The following WDR27 variants were observed in gnomAD, a reference collection of about 807,000 sequenced individuals.
WDR27 encodes WD repeat-containing protein 27.
Under a neutral mutation model 114.4 loss-of-function variants are expected in WDR27, and 100 were observed. That is an observed-to-expected ratio of 0.87 (90% CI 0.74 to 1.03). The LOEUF (loss-of-function observed/expected upper bound fraction) is 1.03. WDR27 is among the 50% of genes least tolerant of loss of function. The pLI, the probability that WDR27 is intolerant of heterozygous loss-of-function variation, is 0.00. For missense variants in WDR27, 1,129 were observed against 1,092.9 expected, an observed-to-expected ratio of 1.03 and a Z score of -0.47; for synonymous variants, 449 against 423.1, an observed-to-expected ratio of 1.06 and a Z score of -0.75.
intron 23 of WDR27, among the ~76,000 whole-genome samples, chr6:169,597,270 G>A (rs1246025500): frequency 1.3e-5 from 2 of 151,910 alleles, no homozygotes; most frequent in African/African-American, 4.8e-5. Context: ...ATTAATCATG[G>A]TTATTTTTAA....
chr6:169,468,472 TCCCC>T (rs1785900054), intron 25 of WDR27, among the ~76,000 whole-genome samples: 2 of 152,058 alleles, frequency 1.3e-5, no homozygotes, highest in African/African-American at 4.8e-5. Context: ...AAGGGGGAAA[TCCCC>T]TTACAAAACC....
At chr6:169,679,375 A>G (rs180738483) in intron 2 of WDR27, among the ~76,000 whole-genome samples, 377 of 152,324 alleles carry the variant, frequency 2.5e-3, no homozygotes, top group Non-Finnish European at 3.5e-3. Flanking sequence ...TTGGAAAGAC[A>G]TGATTATATT....
At chr6:169,427,553 A>G in the WDR27 span, among the ~76,000 whole-genome samples, 1 of 152,192 alleles carries the variant, frequency 6.6e-6, no homozygotes, top group Non-Finnish European at 1.5e-5. Flanking sequence ...CAGTGTGCAG[A>G]GGACTTGGGT....
At chr6:169,698,449 A>G (rs1053618260) in intron 1 of WDR27, among the ~76,000 whole-genome samples, 3 of 152,204 alleles carry the variant, frequency 2.0e-5, no homozygotes, top group Non-Finnish European at 4.4e-5. Context: ...CGTCGAGAAC[A>G]TGAGTCCAGG....
chr6:169,611,157 A>AT (rs959073371), intron 22 of WDR27, among the ~76,000 whole-genome samples: 2 of 152,182 alleles, frequency 1.3e-5, no homozygotes, highest in Non-Finnish European at 2.9e-5. Context: ...ACTGAGCAAG[A>AT]AGTGAGTGAA....
chr6:169,670,559 T>A lies in WDR27; in HGVS notation c.456+10A>T. ...CCCTTCCGTGAAATCCACGTGAATT[T>A]CAATCTTACCTCAATATCCAGCATG... On this transcript the variant is annotated intron_variant, in intron 4 of 25. Transcript: ENST00000448612. 6.2e-7 allele frequency: 1 copy of A among 1,613,996 alleles called. No homozygotes were observed. The highest frequency in any genetic ancestry group is 8.5e-7 in the Non-Finnish European group (1 of 1,179,878).
At chr6:169,524,303 G>C (rs936883046) in intron 25 of WDR27, among the ~76,000 whole-genome samples, 3 of 152,042 alleles carry the variant, frequency 2.0e-5, no homozygotes, top group Non-Finnish European at 4.4e-5. Context: ...AAAATGGAAA[G>C]ATATTCCATG....
chr6:169,656,063 C>A (rs1486434191), intron 13 of WDR27, among the ~76,000 whole-genome samples: 1 of 152,036 alleles, frequency 6.6e-6, no homozygotes, highest in Non-Finnish European at 1.5e-5. Context: ...GAGAGGGGAC[C>A]CGGAGAGGGC....
At chr6:169,545,888 A>G (rs1045098384) in intron 25 of WDR27, among the ~76,000 whole-genome samples, 1 of 152,180 alleles carries the variant, frequency 6.6e-6, no homozygotes, top group African/African-American at 2.4e-5. Flanking sequence ...GTGACTCTCA[A>G]AACTCAACAG....
chr6:169,672,089 T>A (rs981717841), intron 3 of WDR27, 166 bp downstream of exon 3: 1 of 617,444 alleles, frequency 1.6e-6, no homozygotes, highest in Non-Finnish European at 2.6e-6. Flanking sequence ...ATAAAGCGCC[T>A]GCTTGCATGC....
At chr6:169,520,218 G>C (rs1335853943) in intron 25 of WDR27, among the ~76,000 whole-genome samples, 1 of 152,052 alleles carries the variant, frequency 6.6e-6, no homozygotes, top group African/African-American at 2.4e-5. Flanking sequence ...TGAACCCATA[G>C]CCAGCTTCCC....
At chr6:169,658,112 A>T (rs1324743171) in intron 13 of WDR27, 164 bp downstream of exon 13, 2 of 601,438 alleles carry the variant, frequency 3.3e-6, no homozygotes, top group African/African-American at 1.8e-5. Flanking sequence ...ACCACAGCGG[A>T]CATGGAACAC....
At chr6:169,680,107 C>G (rs1339218116) in intron 2 of WDR27, among the ~76,000 whole-genome samples, 1 of 152,122 alleles carries the variant, frequency 6.6e-6, no homozygotes, top group African/African-American at 2.4e-5. Flanking sequence ...CACACAAAGG[C>G]TGAAATAATT....
intron 14 of WDR27, among the ~76,000 whole-genome samples, chr6:169,651,183 C>T (rs7751594): frequency 6.5e-4 from 5 of 7,716 alleles, no homozygotes; most frequent in Non-Finnish European, 1.2e-3. Flanking sequence ...CAGTGCGGGG[C>T]GGGGGGGGGG....
chr6:169,466,311 G>A (rs1011559142), intron 25 of WDR27, among the ~76,000 whole-genome samples: 1 of 152,112 alleles, frequency 6.6e-6, no homozygotes, highest in Non-Finnish European at 1.5e-5. Flanking sequence ...CCTGAGACTG[G>A]GTAATTTATA....
chr6:169,575,401 C>T (rs921666554), intron 24 of WDR27, among the ~76,000 whole-genome samples: 1 of 87,544 alleles, frequency 1.1e-5, no homozygotes, highest in South Asian at 3.7e-4. Flanking sequence ...TCCATCCATC[C>T]ATCCATCCAT....
At chr6:169,473,181 T>C (rs1407184523) in intron 25 of WDR27, among the ~76,000 whole-genome samples, 1 of 152,226 alleles carries the variant, frequency 6.6e-6, no homozygotes, top group Non-Finnish European at 1.5e-5. Context: ...GAATACACTT[T>C]GAATTTGGCT....
chr6:169,595,824 T>C (rs1198350007), intron 23 of WDR27, among the ~76,000 whole-genome samples: 1 of 151,094 alleles, frequency 6.6e-6, no homozygotes, highest in Admixed American at 6.6e-5. Context: ...GGGAACACCA[T>C]TCAGTTCTGG....
At chr6:169,651,673 C>T (rs1241558776) in intron 14 of WDR27, among the ~76,000 whole-genome samples, 1 of 152,162 alleles carries the variant, frequency 6.6e-6, no homozygotes, top group African/African-American at 2.4e-5. Context: ...CCGGGACCAC[C>T]ACGTTATCAG....
Sources: allele counts gnomAD v4.1 joint callset (sites outside exome capture counted in the v4.1 genomes callset), GRCh38; gene constraint gnomAD v4.1.1; transcripts MANE v1.5; gene names NCBI Gene and HGNC (gene_info 2026-07-23, HGNC 2026-07-21).